UNG: variants seen among roughly 807,000 people sequenced by gnomAD.
The protein encoded by UNG is uracil DNA glycosylase.
In UNG, 34 loss-of-function variants were observed where a neutral mutation model predicts 36.5. The observed-to-expected ratio is 0.93, with a 90% CI of 0.71 to 1.24. The LOEUF (loss-of-function observed/expected upper bound fraction) is 1.24. Among genes scored for constraint, UNG ranks in the 50% most tolerant of loss-of-function variants. UNG has a pLI of 0.00. For synonymous variants in UNG, 172 were observed against 157.8 expected, an observed-to-expected ratio of 1.09 and a Z score of -0.67; for missense variants, 391 against 397.6, an observed-to-expected ratio of 0.98 and a Z score of 0.14.
chr12:109,106,768 G>A (rs565067923), intron 6 of UNG, among the ~76,000 whole-genome samples: 1 of 147,064 alleles, frequency 6.8e-6, no homozygotes, highest in South Asian at 2.2e-4. Context: ...GTGTGGCGGC[G>A]TGTGCCTGTA....
chr12:109,098,170 C>T (rs1261868219), intron 1 of UNG: 2 of 1,412,416 alleles, frequency 1.4e-6, no homozygotes, highest in African/African-American at 2.9e-5. Context: ...CGGGGCACCT[C>T]TGTGCAGGGT....
Position 109,102,824 on chromosome 12 carries a change from G to A in UNG, c.534-15G>A, listed in dbSNP as rs1424275405. 1.2e-6 allele frequency: 2 copies of A among 1,602,698 alleles called. No individual in the cohort carries two copies. The highest frequency in any genetic ancestry group is 3.3e-5 in the Admixed American group (2 of 59,878). On this transcript the variant is annotated splice_polypyrimidine_tract_variant and intron_variant, in intron 4 of 6. Coordinates refer to ENST00000242576, the MANE Select transcript of UNG (RefSeq NM_080911.3). ...TAAGATTCTGTTTTTTGTTTTTCTT[G>A]TGGCTTGCTTTCAGTTTGGAGAACA...
chr12:109,105,546 C>T (rs1325649001), intron 6 of UNG, among the ~76,000 whole-genome samples: 2 of 152,204 alleles, frequency 1.3e-5, no homozygotes, highest in African/African-American at 4.8e-5. Context: ...GTTACTACTG[C>T]CCCATGAACA....
chr12:109,103,604 T>C lies in UNG; in HGVS notation c.794T>C (p.Ile265Thr), dbSNP rs773577246. 1.1e-5 allele frequency: 17 copies of C among 1,612,724 alleles called. No homozygotes were observed. The highest frequency in any genetic ancestry group is 1.0e-5 in the Non-Finnish European group (12 of 1,179,662). The change falls in exon 6 of 7, where the codon ATT (isoleucine) becomes ACT (threonine). Residue 265 changes from isoleucine to threonine, a missense_variant. Coordinates refer to ENST00000242576, the MANE Select transcript of UNG (RefSeq NM_080911.3). ...GSYAQKKGSA[I>T]DRKRHHVLQT... ...TATGCTCAGAAGAAGGGCAGTGCCA[T>C]TGATAGGGTATGTTTTGTTTTCTTT...
At chr12:109,097,989 G>A (rs2042144404) in intron 1 of UNG, 178 bp downstream of exon 1, 11 of 1,263,774 alleles carry the variant, frequency 8.7e-6, no homozygotes, top group Non-Finnish European at 1.2e-5. Context: ...CCATGCTAAA[G>A]GGCCAGCCAA....
chr12:109,099,918 C>T (rs559518833), intron 3 of UNG, among the ~76,000 whole-genome samples: 6 of 152,200 alleles, frequency 3.9e-5, no homozygotes, highest in Non-Finnish European at 7.4e-5. Context: ...AAAAATTAGC[C>T]GGGCATGGTG....
intron 6 of UNG, among the ~76,000 whole-genome samples, chr12:109,108,886 C>T (rs1441204409): frequency 6.6e-6 from 1 of 152,140 alleles, no homozygotes; most frequent in African/African-American, 2.4e-5. Flanking sequence ...CCTACCTTGG[C>T]CTCCCAAAGC....
chr12:109,101,846 G>T, intron 3 of UNG, 56 bp from the exon 4 acceptor site: 3 of 1,441,026 alleles, frequency 2.1e-6, no homozygotes, highest in Non-Finnish European at 2.9e-6. Context: ...TTGAGGCAGG[G>T]TCTGTGCTGC....
Position 109,097,991 on chromosome 12 carries a change from G to A in UNG, c.132+180G>A, listed in dbSNP as rs192483790. On this transcript the variant is annotated intron_variant, in intron 1 of 6. Coordinates refer to ENST00000242576, the MANE Select transcript of UNG (RefSeq NM_080911.3). ...CCCCCATGGGCCGCCATGCTAAAGG[G>A]CCAGCCAATGGGAACGCGTCTCGGG... The A allele has an allele frequency of 5.4e-3, 6,811 of 1,260,868 alleles. 36 individuals carry two copies. The highest frequency in any genetic ancestry group is 0.015 in the East Asian group (547 of 36,960). The allele number at this position is 1,260,868 out of a possible 1,614,324, so 78.1% of individuals were successfully genotyped here. A position where few individuals can be genotyped will look rare whatever the true frequency, so the allele number is the denominator to read the frequency against.
intron 6 of UNG, among the ~76,000 whole-genome samples, chr12:109,106,626 T>C (rs536364532): frequency 6.6e-6 from 1 of 151,752 alleles, no homozygotes; most frequent in East Asian, 2.0e-4. Context: ...TGGCCGGGTG[T>C]GGTGGCTCAT....
At chr12:109,098,121 A>G in intron 1 of UNG, 2 of 1,371,124 alleles carry the variant, frequency 1.5e-6, no homozygotes, top group East Asian at 5.4e-5. Flanking sequence ...TGCCGCGAAA[A>G]GACCACGTGG....
chr12:109,099,121 C>G, intron 2 of UNG, 68 bp from the exon 3 acceptor site: 1 of 1,425,984 alleles, frequency 7.0e-7, no homozygotes, highest in Non-Finnish European at 9.9e-7. Flanking sequence ...GCACTAGAAG[C>G]TTTCTTATTG....
intron 4 of UNG, among the ~76,000 whole-genome samples, chr12:109,102,553 C>T (rs1255011875): frequency 2.0e-5 from 3 of 152,086 alleles, no homozygotes; most frequent in Non-Finnish European, 4.4e-5. Context: ...AAAACTGTCC[C>T]TGAGCAACAG....
intron 6 of UNG, among the ~76,000 whole-genome samples, chr12:109,106,890 C>CGTATATATATAT: frequency 5.6e-3 from 2 of 356 alleles, no homozygotes; most frequent in Non-Finnish European, 0.019. Context: ...TATATATATA[C>CGTATATATATAT]ACATATATAT....
chr12:109,103,732 A>C, intron 6 of UNG, 121 bp downstream of exon 6: 1 of 1,202,608 alleles, frequency 8.3e-7, no homozygotes, highest in East Asian at 2.6e-5. Context: ...AATAACTTTT[A>C]TTTTCCCTTA....
At position 109,097,757 on chromosome 12, in the gene UNG, G is replaced by A. The variant is rs2042141826; in HGVS notation, c.78G>A (p.Pro26=). 1.3e-6 allele frequency: 2 copies of A among 1,571,040 alleles called. No individual in the cohort carries two copies. The highest frequency in any genetic ancestry group is 1.2e-5 in the South Asian group (1 of 86,492). ...AGCGACACGCCCCCAGCCCCGAGCC[G>A]GCCGTCCAGGGGACCGGCGTGGCTG... ...ARKRHAPSPE[P]AVQGTGVAGV... is the part of the protein sequence containing the mutation. The change falls in exon 1 of 7, where the codon CCG becomes CCA. Residue 26 remains proline, a synonymous_variant. Coordinates refer to ENST00000242576, the MANE Select transcript of UNG (RefSeq NM_080911.3).
chr12:109,098,009 G>T, intron 1 of UNG, 198 bp downstream of exon 1: 1 of 1,279,458 alleles, frequency 7.8e-7, no homozygotes, highest in Non-Finnish European at 1.0e-6. Flanking sequence ...ATGGGAACGC[G>T]TCTCGGGGCC....
Position 109,110,861 on chromosome 12 carries a change from CCTT to C in UNG, c.*893_*895del, listed in dbSNP as rs2135898843. 2 of 152,092 alleles carry C rather than the reference CCTT, an allele frequency of 1.3e-5. No individual in the cohort carries two copies. Among genetic ancestry groups the C allele is most frequent in the Admixed American group, 1.3e-4 (2 of 15,288 alleles). The allele number at this position is 152,092 out of a possible 1,614,324, so 9.4% of individuals were successfully genotyped here. A position where few individuals can be genotyped will look rare whatever the true frequency, so the allele number is the denominator to read the frequency against. ...TATATATATATATATTTTTCCCAGT[CCTT>C]TTTTTAAGAGACGGTCTTTATTGGG... On this transcript the variant is annotated 3_prime_UTR_variant, in exon 7 of 7. Transcript: ENST00000242576.
chr12:109,104,879 A>C (rs1040142114), intron 6 of UNG, among the ~76,000 whole-genome samples: 1 of 152,070 alleles, frequency 6.6e-6, no homozygotes, highest in Non-Finnish European at 1.5e-5. Flanking sequence ...AGAAATGTGC[A>C]CGTATATTTA....
Sources: allele counts gnomAD v4.1 joint callset (sites outside exome capture counted in the v4.1 genomes callset), GRCh38; gene constraint gnomAD v4.1.1; transcripts MANE v1.5; gene names NCBI Gene and HGNC (gene_info 2026-07-23, HGNC 2026-07-21).